Variants in SLC25A22 observed in about 807,000 individuals in gnomAD.
The protein encoded by SLC25A22 is mitochondrial glutamate carrier 1.
In SLC25A22, 23 loss-of-function variants were observed where a neutral mutation model predicts 33.7. The observed-to-expected ratio is 0.68, with a 90% confidence interval of 0.49 to 0.97. The LOEUF (loss-of-function observed/expected upper bound fraction) is 0.97. Ranked by LOEUF, SLC25A22 falls within the 50% of genes least tolerant of loss-of-function variation. The pLI is 0.00. For synonymous variants in SLC25A22, 245 were observed against 203.8 expected, an observed-to-expected ratio of 1.20 and a Z score of -1.72; for missense variants, 390 against 451.1, an observed-to-expected ratio of 0.86 and a Z score of 1.23.
At position 792,588 on chromosome 11, in the gene SLC25A22, G is replaced by T. The variant is rs368807589; in HGVS notation, c.552C>A (p.Ala184=). 14 of 1,611,522 alleles carry T rather than the reference G, an allele frequency of 8.7e-6. No homozygotes were observed. The African/African-American group carries it at 1.9e-4, about 22-fold the overall frequency. ...TRDLLRSRGI[A]GLYKGLGATL... is the part of the protein sequence containing the mutation. Reference sequence around the variant, plus strand: ...TGGCCCCGAGTCCCTTGTAGAGACCGGCAATGCCACGGCTCCGCAGCAGGT... The same window carrying T: ...TGGCCCCGAGTCCCTTGTAGAGACCTGCAATGCCACGGCTCCGCAGCAGGT... Residue 184 remains alanine (A), a synonymous_variant, in exon 7 of 10, where the codon GCC becomes GCA. Transcript: ENST00000628067.
At chr11:795,433 G>A (rs1248166345) in intron 1 of SLC25A22, 6 of 362,590 alleles carry the variant, frequency 1.7e-5, no homozygotes, top group African/African-American at 4.5e-5. Context: ...CGGGGCTCAC[G>A]TGCACCCCAG....
Position 792,606 on chromosome 11 carries a change from C to T in SLC25A22, c.534G>A (p.Leu178=). Residue 178 remains leucine (L), a synonymous_variant, in exon 7 of 10, where the codon CTG becomes CTA. Transcript: ENST00000628067. ...AGAGACCGGCAATGCCACGGCTCCG[C>T]AGCAGGTCGCGGGTCAGCTGGGTGG... ...PTATQLTRDL[L]RSRGIAGLYK... 1 of 1,608,972 alleles carries T rather than the reference C, an allele frequency of 6.2e-7. No individual in the cohort carries two copies.
intron 4 of SLC25A22, 72 bp from the exon 5 acceptor site, chr11:793,691 C>G: frequency 9.2e-7 from 1 of 1,085,788 alleles, no homozygotes; most frequent in Non-Finnish European, 1.4e-6. Context: ...CCAGGACTTG[C>G]CTCCTGGCTG....
chr11:792,966 C>G lies in SLC25A22; in HGVS notation c.316G>C (p.Glu106Gln), dbSNP rs1162879084. Residue 106 changes from glutamate to glutamine, a missense_variant, in exon 6 of 10, where the codon GAG becomes CAG. By Grantham distance (29) the Glu-to-Gln change is conservative. Coordinates refer to ENST00000628067, the MANE Select transcript of SLC25A22 (RefSeq NM_001191061.2). ...CCAGCCCCACAGCCCGCCAGCATCT[C>G]TTTAAGCAGGGTCAGCTTCTGCCTG... is the stretch of plus-strand genomic sequence containing the variant. ...KDGQKLTLLK[E>Q]MLAGCGAGTC... 6.2e-7 allele frequency: 1 copy of G among 1,613,478 alleles called. No homozygotes were observed. Among genetic ancestry groups the G allele is most frequent in the East Asian group, 2.2e-5 (1 of 44,868 alleles).
chr11:795,256 T>A, intron 1 of SLC25A22, 87 bp from the exon 2 acceptor site: 1 of 632,120 alleles, frequency 1.6e-6, no homozygotes, highest in Non-Finnish European at 2.9e-6. Flanking sequence ...ACGCAGCCCC[T>A]CACCCACCAC....
At chr11:793,780 C>T (rs954057026) in intron 4 of SLC25A22, 161 bp from the exon 5 acceptor site, 10 of 639,810 alleles carry the variant, frequency 1.6e-5, no homozygotes, top group South Asian at 7.0e-5. Flanking sequence ...CCAGGTGGGG[C>T]GGGGCCAGGC....
intron 1 of SLC25A22, 151 bp downstream of exon 1, chr11:798,066 A>T (rs1864929248): frequency 2.5e-6 from 1 of 398,274 alleles, no homozygotes; most frequent in East Asian, 3.6e-5. Flanking sequence ...GGATCGGAGC[A>T]TCCGCTGGTC....
In SLC25A22 at chr11:792,987, G is replaced by C; in HGVS notation, c.295C>G (p.Gln99Glu). 1 of 1,613,256 alleles carries C rather than the reference G, an allele frequency of 6.2e-7. No homozygotes were observed. Among genetic ancestry groups the C allele is most frequent in the Non-Finnish European group, 8.5e-7 (1 of 1,179,904 alleles). The change falls in exon 6 of 10, where the codon CAG (glutamine) becomes GAG (glutamate). Residue 99 changes from glutamine (Q) to glutamate (E), a missense_variant and splice_region_variant. Coordinates refer to ENST00000628067, the MANE Select transcript of SLC25A22 (RefSeq NM_001191061.2). ...FFRHQLSKDG[Q>E]KLTLLKEMLA... is the part of the protein sequence containing the mutation. ...ATCTCTTTAAGCAGGGTCAGCTTCT[G>C]CCTGTGGTAGGGGCGGGGCCGCAGT...
intron 4 of SLC25A22, 88 bp from the exon 5 acceptor site, chr11:793,707 A>G (rs1864653922): frequency 1.1e-6 from 1 of 908,814 alleles, no homozygotes. Flanking sequence ...GGCTGGCAAA[A>G]CCCTGTCCCA....
rs1045909105 is a variant in SLC25A22, at chr11:794,652, C to T, written c.146+124G>A. 4 of 1,527,542 alleles carry T rather than the reference C, an allele frequency of 2.6e-6. No homozygotes were observed. In the South Asian group the frequency reaches 3.6e-5, roughly 14 times the overall value. The allele number at this position is 1,527,542 out of a possible 1,614,324, so 94.6% of individuals were successfully genotyped here. On this transcript the variant is annotated intron_variant, in intron 3 of 9. Coordinates refer to ENST00000628067, the MANE Select transcript of SLC25A22 (RefSeq NM_001191061.2). ...CCAGTCCTGACCCACGTGGGATCTC[C>T]CCTAGGCCCGCCTGCCTCCCGTTTC...
rs1442922001 is a variant in SLC25A22 at position 795,370 on chromosome 11, C to G, written c.-163-201G>C. ...GGACCACCTGGCTTCCTTTCAGTCC[C>G]CCCCTCCCCACCGCCAGCGTCTTCC... On this transcript the variant is annotated intron_variant, in intron 1 of 9. Coordinates refer to ENST00000628067, the MANE Select transcript of SLC25A22 (RefSeq NM_001191061.2). The G allele has an allele frequency of 3.1e-5, 8 of 256,972 alleles. 1 individual carries two copies. The highest frequency in any genetic ancestry group is 5.9e-5 in the Non-Finnish European group (8 of 136,334). 15.9% of individuals were successfully genotyped at this position (256,972 alleles called of 1,614,324 possible). A position where few individuals can be genotyped will look rare whatever the true frequency, so the allele number is the denominator to read the frequency against.
intron 1 of SLC25A22, 177 bp from the exon 2 acceptor site, chr11:795,346 G>A (rs1864751547): frequency 4.2e-6 from 2 of 479,664 alleles, no homozygotes; most frequent in South Asian, 4.2e-5. Flanking sequence ...TCACCCCTGG[G>A]ACCACCTGGC....
In SLC25A22 at chr11:791,735, G is replaced by A; in HGVS notation, c.*180C>T. ...TGAGACATTGATCCCAACGGTGCAG[G>A]CAGCACCCCGGGGGGCTTGCGTGTG... On this transcript the variant is annotated 3_prime_UTR_variant, in exon 10 of 10. Coordinates refer to ENST00000628067, the MANE Select transcript of SLC25A22 (RefSeq NM_001191061.2). The A allele has an allele frequency of 1.3e-6, 1 of 753,580 alleles. No homozygotes were observed. The highest frequency in any genetic ancestry group is 3.9e-4 in the Middle Eastern group (1 of 2,572). The allele number at this position is 753,580 out of a possible 1,614,324, so 46.7% of individuals were successfully genotyped here. A position where few individuals can be genotyped will look rare whatever the true frequency, so the allele number is the denominator to read the frequency against.
chr11:793,423 G>A lies in SLC25A22; in HGVS notation c.293+106C>T. 6 of 1,072,086 alleles carry A rather than the reference G, an allele frequency of 5.6e-6. No homozygotes were observed. In the South Asian group the frequency reaches 7.9e-5, roughly 14 times the overall value. The allele number at this position is 1,072,086 out of a possible 1,614,324, so 66.4% of individuals were successfully genotyped here. A position where few individuals can be genotyped will look rare whatever the true frequency, so the allele number is the denominator to read the frequency against. ...GAGGTCAAAGAAGCCCCAAGCAAGG[G>A]GCTGAAGACAGGCAGAGCCCCCAGG... On this transcript the variant is annotated intron_variant, in intron 5 of 9. Transcript: ENST00000628067.
intron 1 of SLC25A22, chr11:795,582 C>G: frequency 4.4e-6 from 1 of 228,036 alleles, no homozygotes; most frequent in East Asian, 1.0e-4. Flanking sequence ...GAGCAGCAGC[C>G]GGCACCTGCC....
In SLC25A22 at chr11:792,125, C is replaced by T. The variant is rs1262027027; in HGVS notation, c.818+17G>A. ...TACGCAGGCCCCCAGGCCCCACCCG[C>T]CGTGGGACCTCCCCACCTGGCACAG... On this transcript the variant is annotated intron_variant, in intron 9 of 9. Transcript: ENST00000628067. The T allele has an allele frequency of 6.2e-7, 1 of 1,610,780 alleles. No individual in the cohort carries two copies. Among genetic ancestry groups the T allele is most frequent in the Non-Finnish European group, 8.5e-7 (1 of 1,179,020 alleles).
chr11:794,034 GC>G, intron 4 of SLC25A22: 1 of 475,166 alleles, frequency 2.1e-6, no homozygotes, highest in Admixed American at 3.1e-5. Flanking sequence ...GCTGTGGAGA[GC>G]CCCCATCTCA....
At chr11:793,950 G>A (rs1864662218) in intron 4 of SLC25A22, 1 of 482,272 alleles carries the variant, frequency 2.1e-6, no homozygotes. Flanking sequence ...GACAGATGGT[G>A]CTTGTGCTGG....
Position 794,794 on chromosome 11 carries a change from T to G in SLC25A22, c.128A>C (p.Gln43Pro). ...CACTCACATGCTCGTGTACACGCGCTGGCCGTTCTGCTGGTTCTGCAGCCT... is the reference window on the plus strand; with the variant it reads ...CACTCACATGCTCGTGTACACGCGCGGGCCGTTCTGCTGGTTCTGCAGCCT... ...KTRLQNQQNG[Q>P]RVYTSMSDCL... The change falls in exon 3 of 10, where the codon CAG (glutamine) becomes CCG (proline). Residue 43 changes from glutamine to proline, a missense_variant. Physicochemically the swap from Gln to Pro is moderately conservative, Grantham distance 76 (BLOSUM62 -1). Transcript: ENST00000628067. 1 of 1,598,264 alleles carries G rather than the reference T, an allele frequency of 6.3e-7. No homozygotes were observed. Among genetic ancestry groups the G allele is most frequent in the Non-Finnish European group, 8.5e-7 (1 of 1,173,954 alleles).
Sources: allele counts gnomAD v4.1 joint callset, GRCh38; gene constraint gnomAD v4.1.1; transcripts MANE v1.5; gene names NCBI Gene and HGNC (gene_info 2026-07-23, HGNC 2026-07-21).